STAB1: variants seen among roughly 807,000 people sequenced by gnomAD.
STAB1 encodes stabilin-1.
In STAB1, 250 loss-of-function variants were observed where a neutral mutation model predicts 332.4. That is an observed-to-expected ratio of 0.75 (90% CI 0.68 to 0.84). The LOEUF (loss-of-function observed/expected upper bound fraction) is 0.84, where lower values mean the gene tolerates loss of function less well. Among genes scored for constraint, STAB1 ranks in the 40% least tolerant of loss-of-function variants. The pLI is 0.00. For missense variants in STAB1, 3,249 were observed against 3,489.7 expected (o/e 0.93, Z 1.74); for synonymous variants, 1,475 against 1,390.4 (o/e 1.06, Z -1.35).
chr3:52,506,192 C>T lies in STAB1; in HGVS notation c.1772C>T (p.Ser591Phe). Residue 591 changes from serine (S) to phenylalanine (F), a missense_variant, in exon 17 of 69, where the codon TCC (serine) becomes TTC (phenylalanine). Ser to Phe is a radical substitution (Grantham distance 155). Transcript: ENST00000321725. ...CAGCTGACCGTTGAGAAGCTCATCTCCAAGGGTCGGATCCTCACCATGGCG... is the reference window on the plus strand; with the variant it reads ...CAGCTGACCGTTGAGAAGCTCATCTTCAAGGGTCGGATCCTCACCATGGCG... ...HGQLTVEKLI[S>F]KGRILTMANQ... 6.2e-7 allele frequency: 1 copy of T among 1,612,534 alleles called. No individual in the cohort carries two copies. Among genetic ancestry groups the T allele is most frequent in the Non-Finnish European group, 8.5e-7 (1 of 1,179,594 alleles).
chr3:52,518,308 C>T lies in STAB1; in HGVS notation c.4762-4C>T. 6.2e-7 allele frequency: 1 copy of T among 1,612,676 alleles called. No homozygotes were observed. The highest frequency in any genetic ancestry group is 8.5e-7 in the Non-Finnish European group (1 of 1,179,798). On this transcript the variant is annotated splice_polypyrimidine_tract_variant and splice_region_variant and intron_variant, in intron 45 of 68. Coordinates refer to ENST00000321725, the MANE Select transcript of STAB1 (RefSeq NM_015136.3). ...CAAATCTGAGCTGACCCTCGCCCCC[C>T]CAGGAGCTCCTGAGGGATAAGCATG...
At position 52,503,886 on chromosome 3, in the gene STAB1, G is replaced by A. The variant is rs778492424; in HGVS notation, c.1006G>A (p.Ala336Thr). 4.4e-5 allele frequency: 71 copies of A among 1,613,088 alleles called. No individual in the cohort carries two copies. The highest frequency in any genetic ancestry group is 3.0e-4 in the South Asian group (27 of 91,090). The change falls in exon 9 of 69, where the codon GCT (alanine) becomes ACT (threonine). Residue 336 changes from alanine (A) to threonine (T), a missense_variant. Coordinates refer to ENST00000321725, the MANE Select transcript of STAB1 (RefSeq NM_015136.3). ...CCGGTCTGCCACTTGCCAGGTGACC[G>A]CTGATGGGAAGACCAGGTGAGCACA... Reference protein sequence around the residue: ...CDRSATCQVTADGKTSCVCRE... With the variant: ...CDRSATCQVTTDGKTSCVCRE...
intron 33 of STAB1, 45 bp from the exon 34 acceptor site, chr3:52,514,320 A>T: frequency 6.4e-7 from 1 of 1,565,940 alleles, no homozygotes; most frequent in Non-Finnish European, 8.7e-7. Context: ...TGTCCAGGGC[A>T]CTTGGTTATC....
chr3:52,498,366 C>T (rs867572778), intron 1 of STAB1, among the ~76,000 whole-genome samples: 2 of 152,242 alleles, frequency 1.3e-5, no homozygotes, highest in Non-Finnish European at 2.9e-5. Flanking sequence ...TCCAGCCTCA[C>T]TCCACCCAGC....
At chr3:52,495,781 C>G (rs1337561480) in intron 1 of STAB1, among the ~76,000 whole-genome samples, 1 of 152,206 alleles carries the variant, frequency 6.6e-6, no homozygotes, top group Non-Finnish European at 1.5e-5. Flanking sequence ...CCTGTCCTGC[C>G]CTTCTGGCCC....
In STAB1 at chr3:52,506,850, G is replaced by A. The variant is rs779181211; in HGVS notation, c.1989G>A (p.Ala663=). The A allele has an allele frequency of 1.4e-5, 22 of 1,612,650 alleles. No homozygotes were observed. The highest frequency in any genetic ancestry group is 1.3e-4 in the South Asian group (12 of 91,036). ...GCGAGGAGCAGCACAAGATTGTGGC[G>A]GTGAGCCTCGCCTGCACGGCCAGGG... ...HCSEEQHKIV[A]GSCVDCQALN... The change falls in exon 18 of 69, where the codon GCG becomes GCA. Residue 663 remains alanine, a splice_region_variant and synonymous_variant. Coordinates refer to ENST00000321725, the MANE Select transcript of STAB1 (RefSeq NM_015136.3).
Position 52,522,771 on chromosome 3 carries a change from A to G in STAB1, c.6745-4A>G. The G allele has an allele frequency of 6.2e-7, 1 of 1,612,700 alleles. No homozygotes were observed. The highest frequency in any genetic ancestry group is 2.2e-5 in the East Asian group (1 of 44,834). ...GGTCTTAGTATCCCCTCCTGTTCCT[A>G]CAGCTGGGCTTCCACCTGTGCCTCA... On this transcript the variant is annotated splice_polypyrimidine_tract_variant and splice_region_variant and intron_variant, in intron 61 of 68. Coordinates refer to ENST00000321725, the MANE Select transcript of STAB1 (RefSeq NM_015136.3).
Position 52,501,754 on chromosome 3 carries a change from G to T in STAB1, c.331+1G>T, listed in dbSNP as rs753939510. 6.4e-7 allele frequency: 1 copy of T among 1,557,374 alleles called. No individual in the cohort carries two copies. The highest frequency in any genetic ancestry group is 1.2e-5 in the South Asian group (1 of 84,406). ...GGCTACTGGGGTTCCCGGTGCCATG[G>T]TATGGGAGAAAGGGGGACCCCGCCT... On this transcript the variant is annotated splice_donor_variant, in intron 3 of 68. Coordinates refer to ENST00000321725, the MANE Select transcript of STAB1 (RefSeq NM_015136.3). LOFTEE classifies it high-confidence loss of function.
In STAB1 at chr3:52,503,367, C is replaced by T. The variant is rs1308490151; in HGVS notation, c.718C>T (p.Pro240Ser). 1 of 1,612,822 alleles carries T rather than the reference C, an allele frequency of 6.2e-7. No individual in the cohort carries two copies. The highest frequency in any genetic ancestry group is 8.5e-7 in the Non-Finnish European group (1 of 1,179,700). ...AGCCCCCAACCCCTGCTGGCCATCA[C>T]CCTGCTCACTGCTGGCCCAGTGCTC... is the stretch of plus-strand genomic sequence containing the variant. ...CRAPNPCWPS[P>S]CSLLAQCSVS... The change falls in exon 8 of 69, where the codon CCC becomes TCC. Residue 240 changes from proline to serine, a missense_variant. Transcript: ENST00000321725.
chr3:52,513,008 G>C (rs1173622362), intron 29 of STAB1, 50 bp downstream of exon 29: 2 of 1,592,056 alleles, frequency 1.3e-6, no homozygotes, highest in Admixed American at 3.6e-5. Flanking sequence ...GAGGGACCCA[G>C]TCCCTCCCCA....
At chr3:52,498,451 G>A (rs1372158811) in intron 1 of STAB1, among the ~76,000 whole-genome samples, 1 of 152,258 alleles carries the variant, frequency 6.6e-6, no homozygotes, top group Non-Finnish European at 1.5e-5. Context: ...GGGCCCCTCG[G>A]CTGTGGTCTC....
At chr3:52,503,687 C>G in intron 8 of STAB1, 85 bp from the exon 9 acceptor site, 1 of 1,584,820 alleles carries the variant, frequency 6.3e-7, no homozygotes, top group Admixed American at 1.7e-5. Context: ...CAGGGAGGGG[C>G]TGAGCAGGGC....
At chr3:52,501,486 TG>T in intron 2 of STAB1, 151 bp from the exon 3 acceptor site, 1 of 1,083,748 alleles carries the variant, frequency 9.2e-7, no homozygotes, top group Non-Finnish European at 1.3e-6. Flanking sequence ...GAGGGGTTTA[TG>T]GGGCACCTGC....
At position 52,520,647 on chromosome 3, in the gene STAB1, C is replaced by T. The variant is rs551514762; in HGVS notation, c.5655C>T (p.Thr1885=). The change falls in exon 54 of 69, where the codon ACC becomes ACT. Residue 1885 remains threonine (T), a synonymous_variant. Transcript: ENST00000321725. The part of the protein sequence containing the change: ...HFETRPLRLN[T]CSICGLEPPC... ...TTGGCCTCCCTCCCTTCCAGAACAC[C>T]TGCAGCATCTGTGGGCTGGAGCCAC... 1 of 1,612,290 alleles carries T rather than the reference C, an allele frequency of 6.2e-7. No individual in the cohort carries two copies. The highest frequency in any genetic ancestry group is 8.5e-7 in the Non-Finnish European group (1 of 1,179,928).
Position 52,521,005 on chromosome 3 carries a change from G to C in STAB1, c.5908G>C (p.Ala1970Pro), listed in dbSNP as rs1234098272. The C allele has an allele frequency of 6.5e-7, 1 of 1,537,854 alleles. No homozygotes were observed. Among genetic ancestry groups the C allele is most frequent in the Non-Finnish European group, 8.7e-7 (1 of 1,144,400 alleles). ...TGGTCACTATGGCAGTGAGTGCCAA[G>C]GTGAGCATTGCAGACACTGTTGACT... ...CPGHYGSECQ[A>P]CPGGPSSPCS... Residue 1970 changes from alanine (A) to proline (P), a missense_variant and splice_region_variant, in exon 55 of 69, where the codon GCT becomes CCT. Physicochemically the swap from Ala to Pro is conservative, Grantham distance 27. Transcript: ENST00000321725.
At chr3:52,524,253 G>C in intron 68 of STAB1, 40 bp downstream of exon 68, 1 of 1,613,942 alleles carries the variant, frequency 6.2e-7, no homozygotes, top group Non-Finnish European at 8.5e-7. Context: ...ATGTGGGATG[G>C]GCCCAGGCCC....
At chr3:52,514,546 A>C (rs371749358) in intron 34 of STAB1, 50 bp downstream of exon 34, 28 of 1,529,700 alleles carry the variant, frequency 1.8e-5, no homozygotes, top group Non-Finnish European at 2.2e-5. Flanking sequence ...CCTACCCCTG[A>C]AGATCCCTTC....
At position 52,505,338 on chromosome 3, in the gene STAB1, T is replaced by TCGCCTCTAC; in HGVS notation, c.1541_1549dup (p.Ala514_Thr516dup). On this transcript the variant is annotated inframe_insertion, in exon 14 of 69. Coordinates refer to ENST00000321725, the MANE Select transcript of STAB1 (RefSeq NM_015136.3). Reference sequence around the variant, plus strand: ...TTACAGAGAACTATCGGACAGATCCTCGCCTCTACCGAGGCCTTCAGCCGC... The same window carrying TCGCCTCTAC: ...TTACAGAGAACTATCGGACAGATCCTCGCCTCTACCGCCTCTACCGAGGCCTTCAGCCGC... 1 of 1,613,654 alleles carries TCGCCTCTAC rather than the reference T, an allele frequency of 6.2e-7. No individual in the cohort carries two copies. Among genetic ancestry groups the TCGCCTCTAC allele is most frequent in the Non-Finnish European group, 8.5e-7 (1 of 1,179,930 alleles).
chr3:52,523,159 C>T (rs1005495934), intron 63 of STAB1, 25 bp downstream of exon 63: 29 of 1,608,758 alleles, frequency 1.8e-5, no homozygotes, highest in East Asian at 6.7e-5. Flanking sequence ...CCCTTGGGGG[C>T]GGGGGGTGCT....
Sources: gnomAD v4.1 joint callset for allele counts (sites outside exome capture counted in the v4.1 genomes callset) on GRCh38, gnomAD v4.1.1 for gene constraint, MANE v1.5 for transcripts, NCBI Gene and HGNC (gene_info 2026-07-23, HGNC 2026-07-21) for gene names.